FRMPD1: variants seen among roughly 807,000 people sequenced by gnomAD.
FRMPD1 encodes the protein FERM and PDZ domain-containing protein 1.
FRMPD1 carries 76 observed loss-of-function variants against 117.8 expected under a neutral mutation model. The ratio of observed to expected loss-of-function variants is 0.65; its 90% CI spans 0.54 to 0.78. The LOEUF (loss-of-function observed/expected upper bound fraction) is 0.78, where lower values mean the gene tolerates loss of function less well. Among genes scored for constraint, FRMPD1 ranks in the 30% least tolerant of loss-of-function variants. FRMPD1 has a pLI of 0.00. For synonymous variants in FRMPD1, 783 were observed against 770.4 expected (o/e 1.02, Z -0.27); for missense variants, 1,786 against 1,964.5 (o/e 0.91, Z 1.72).
At chr9:37,728,521 AG>A (rs2118353327) in intron 7 of FRMPD1, among the ~76,000 whole-genome samples, 1 of 152,338 alleles carries the variant, frequency 6.6e-6, no homozygotes, top group East Asian at 1.9e-4. Flanking sequence ...GACCTCACAG[AG>A]GGCTGCTCTA....
intron 1 of FRMPD1, among the ~76,000 whole-genome samples, chr9:37,680,987 A>C (rs1821709574): frequency 6.6e-6 from 1 of 152,156 alleles, no homozygotes; most frequent in Admixed American, 6.5e-5. Flanking sequence ...AGGCAGGTAG[A>C]TCACTGGAGG....
intron 2 of FRMPD1, among the ~76,000 whole-genome samples, chr9:37,702,067 C>T (rs1365087214): frequency 1.3e-5 from 2 of 152,146 alleles, no homozygotes; most frequent in East Asian, 1.9e-4. Context: ...AAGATAAGTT[C>T]TGATTAGGGC....
At chr9:37,678,859 G>A (rs1311266581) in intron 1 of FRMPD1, among the ~76,000 whole-genome samples, 1 of 152,264 alleles carries the variant, frequency 6.6e-6, no homozygotes, top group African/African-American at 2.4e-5. Context: ...CCAAGTCAGG[G>A]CAGGGCCCAG....
At chr9:37,652,521 C>T (rs546351134) in intron 1 of FRMPD1, among the ~76,000 whole-genome samples, 5 of 152,320 alleles carry the variant, frequency 3.3e-5, no homozygotes, top group African/African-American at 1.2e-4. Context: ...GATTTTATTT[C>T]CTTCCTCGAC....
At chr9:37,622,899 G>A in the FRMPD1 span, among the ~76,000 whole-genome samples, 1 of 151,594 alleles carries the variant, frequency 6.6e-6, no homozygotes, top group African/African-American at 2.4e-5. Context: ...TTCAGCTTTA[G>A]CACATTTAGT....
Position 37,740,247 on chromosome 9 carries a change from C to T in FRMPD1, c.1719C>T (p.Pro573=). The change falls in exon 15 of 16, where the codon CCC becomes CCT. Residue 573 remains proline, a synonymous_variant. Transcript: ENST00000377765. This position sits in a 1 kb window ranked among gnomAD's most constrained non-coding sequence, Gnocchi z 4.2. ...CACCTGAGGTGGCTAGGAGGGGCCC[C>T]AGCACCTGCGGGGCCAGCAGCACGA... ...SPTPEVARRG[P]STCGASSTTD... The T allele has an allele frequency of 1.9e-6, 3 of 1,613,940 alleles. No individual in the cohort carries two copies. The highest frequency in any genetic ancestry group is 2.5e-6 in the Non-Finnish European group (3 of 1,179,996).
intron 1 of FRMPD1, among the ~76,000 whole-genome samples, chr9:37,655,313 AGCATCAG>A (rs1368863030): frequency 6.6e-6 from 1 of 152,040 alleles, no homozygotes; most frequent in Admixed American, 6.5e-5. Flanking sequence ...ATTCTCTCTG[AGCATCAG>A]GCTTCAGTGC....
the FRMPD1 span, among the ~76,000 whole-genome samples, chr9:37,619,582 A>G: frequency 6.6e-6 from 1 of 151,876 alleles, no homozygotes; most frequent in South Asian, 2.1e-4. Flanking sequence ...ACATAGCAAA[A>G]CCCCATCTCT....
chr9:37,746,889 C>G lies in FRMPD1; in HGVS notation c.*120C>G. 1.5e-6 allele frequency: 1 copy of G among 676,358 alleles called. No homozygotes were observed. Among genetic ancestry groups the G allele is most frequent in the South Asian group, 1.9e-5 (1 of 53,284 alleles). 41.9% of individuals were successfully genotyped at this position (676,358 alleles called of 1,614,324 possible). On this transcript the variant is annotated 3_prime_UTR_variant, in exon 16 of 16. Coordinates refer to ENST00000377765, the MANE Select transcript of FRMPD1 (RefSeq NM_014907.3). ...TTACTATATAGAGTATTCAAATAAA[C>G]TGCTGCTTAATCTTGGCCTGAGTCA...
rs767160958 is a variant in FRMPD1 at position 37,733,754 on chromosome 9, C to T, written c.1147C>T (p.Arg383Cys). 20 of 1,606,306 alleles carry T rather than the reference C, an allele frequency of 1.2e-5. No homozygotes were observed. Among genetic ancestry groups the T allele is most frequent in the Admixed American group, 8.3e-5 (5 of 59,966 alleles). The change falls in exon 12 of 16, where the codon CGT becomes TGT. Residue 383 changes from arginine to cysteine, a missense_variant. Physicochemically the swap from Arg to Cys is radical, Grantham distance 180. Transcript: ENST00000377765. ...GCAACTTATTTCTGCTGCCCAGCTACGTTTAAATTATCTACAGATCCTCGG... is the reference window on the plus strand; with the variant it reads ...GCAACTTATTTCTGCTGCCCAGCTATGTTTAAATTATCTACAGATCCTCGG... ...QKQLISAAQL[R>C]LNYLQILGEL...
At chr9:37,732,469 G>T in intron 10 of FRMPD1, 29 bp downstream of exon 10, 1 of 1,574,718 alleles carries the variant, frequency 6.4e-7, no homozygotes, top group Non-Finnish European at 8.6e-7. Context: ...CAGCTGCATT[G>T]CATTTATAAC....
At chr9:37,705,832 C>A (rs1168810589) in intron 2 of FRMPD1, among the ~76,000 whole-genome samples, 1 of 151,746 alleles carries the variant, frequency 6.6e-6, no homozygotes, top group East Asian at 1.9e-4. Flanking sequence ...AAAAAATTAA[C>A]CGGGTGTGGT....
At chr9:37,618,190 A>G in the FRMPD1 span, among the ~76,000 whole-genome samples, 3 of 152,234 alleles carry the variant, frequency 2.0e-5, no homozygotes, top group African/African-American at 7.2e-5. Flanking sequence ...TTGGAATTGA[A>G]TGACTTTTAT....
chr9:37,695,803 CAAGG>C lies in FRMPD1; in HGVS notation c.101+3063_101+3066del, dbSNP rs997161551. 2.0e-5 allele frequency among the ~76,000 whole-genome samples: 3 copies of C among 152,160 alleles called. No individual in the cohort carries two copies. The East Asian group carries it at 5.8e-4, about 29-fold the overall frequency. On this transcript the variant is annotated intron_variant, in intron 2 of 15. Transcript: ENST00000377765. ...CACCTCTCTCTCCCTGGGACCCCCG[CAAGG>C]ATCACTCACTTGCTTTTTCCCTGTT...
At chr9:37,686,112 T>G (rs1369961705) in intron 1 of FRMPD1, among the ~76,000 whole-genome samples, 2 of 152,244 alleles carry the variant, frequency 1.3e-5, no homozygotes, top group Non-Finnish European at 2.9e-5. Context: ...TTTAAGATAT[T>G]TTTCCAAGTT....
the FRMPD1 span, among the ~76,000 whole-genome samples, chr9:37,607,664 G>A: frequency 2.0e-5 from 3 of 152,286 alleles, no homozygotes; most frequent in East Asian, 5.8e-4. Flanking sequence ...ATGGAGATTA[G>A]GAGGATTCTT....
chr9:37,632,631 A>G, the FRMPD1 span, among the ~76,000 whole-genome samples: 1 of 152,076 alleles, frequency 6.6e-6, no homozygotes, highest in Non-Finnish European at 1.5e-5. Flanking sequence ...CTAGAGAAAA[A>G]ACCTTTTTGT....
chr9:37,656,934 G>T (rs79730451), intron 1 of FRMPD1, among the ~76,000 whole-genome samples: 1 of 147,176 alleles, frequency 6.8e-6, no homozygotes, highest in Admixed American at 6.8e-5. Context: ...TGGTGAAAAA[G>T]AAAAAAAAAA....
chr9:37,618,720 ACT>A, the FRMPD1 span, among the ~76,000 whole-genome samples: 1 of 152,018 alleles, frequency 6.6e-6, no homozygotes, highest in Non-Finnish European at 1.5e-5. Flanking sequence ...CCTCAAACAC[ACT>A]GTCTCATTCT....
Sources: allele counts gnomAD v4.1 joint callset (sites outside exome capture counted in the v4.1 genomes callset), GRCh38; gene constraint gnomAD v4.1.1; non-coding constraint Gnocchi (gnomAD v3.1); transcripts MANE v1.5; gene names NCBI Gene and HGNC (gene_info 2026-07-23, HGNC 2026-07-21).